The following PLEKHB2 variants were observed in gnomAD, a reference collection of about 807,000 sequenced individuals.
The protein encoded by PLEKHB2 is pleckstrin homology domain-containing family B member 2.
PLEKHB2 carries 31 observed loss-of-function variants against 36.5 expected under a neutral mutation model. That is an observed-to-expected ratio of 0.85 (90% CI 0.64 to 1.15). PLEKHB2 has a LOEUF of 1.15. PLEKHB2 is among the 50% of genes most tolerant of loss of function. The pLI, the probability that PLEKHB2 is intolerant of heterozygous loss-of-function variation, is 0.00. For synonymous variants in PLEKHB2, 119 were observed against 112.0 expected (o/e 1.06, Z -0.39); for missense variants, 262 against 295.3 (o/e 0.89, Z 0.83).
At chr2:131,112,823 A>C (rs1695462830) in intron 1 of PLEKHB2, among the ~76,000 whole-genome samples, 1 of 152,204 alleles carries the variant, frequency 6.6e-6, no homozygotes, top group Admixed American at 6.5e-5. Flanking sequence ...GTTAACCCTG[A>C]GCGTGGCTGG....
chr2:131,126,455 G>A (rs1031480496), intron 3 of PLEKHB2, among the ~76,000 whole-genome samples: 1 of 152,206 alleles, frequency 6.6e-6, no homozygotes, highest in Non-Finnish European at 1.5e-5. Flanking sequence ...GAACCCGGGA[G>A]TCAGAGGTTG....
chr2:131,110,891 G>T (rs1248337232), intron 1 of PLEKHB2, among the ~76,000 whole-genome samples: 1 of 152,088 alleles, frequency 6.6e-6, no homozygotes, highest in Non-Finnish European at 1.5e-5. Flanking sequence ...CATCATGCTG[G>T]ACAGTCATTG....
intron 1 of PLEKHB2, among the ~76,000 whole-genome samples, chr2:131,115,341 CTTTTTTTTTTTTTTTT>C (rs1179533654): frequency 5.4e-4 from 35 of 64,546 alleles, no homozygotes; most frequent in Admixed American, 2.2e-3. Flanking sequence ...GAAAGTATGT[CTTTTTTTTTTTTTTTT>C]TTTTTTTTTT....
chr2:131,129,324 CAAAAAAAAAAAAAA>C (rs1168039416), intron 4 of PLEKHB2, among the ~76,000 whole-genome samples: 16 of 49,932 alleles, frequency 3.2e-4, no homozygotes, highest in Admixed American at 3.2e-3. Context: ...GACTCCATCT[CAAAAAAAAAAAAAA>C]AAAAAAAAAA....
intron 5 of PLEKHB2, among the ~76,000 whole-genome samples, chr2:131,131,880 C>T (rs79716210): frequency 0.014 from 2,167 of 151,522 alleles, 57 homozygotes; most frequent in African/African-American, 0.049. Context: ...GTCGCCCAGG[C>T]CAGAGTGCAG....
chr2:131,119,752 C>T (rs1559062105), intron 1 of PLEKHB2, among the ~76,000 whole-genome samples: 1 of 151,960 alleles, frequency 6.6e-6, no homozygotes, highest in African/African-American at 2.4e-5. Flanking sequence ...TTTGTGCCCA[C>T]CTGAGAGGTA....
chr2:131,132,067 G>C (rs1697762906), intron 5 of PLEKHB2, among the ~76,000 whole-genome samples: 2 of 152,208 alleles, frequency 1.3e-5, no homozygotes, highest in Middle Eastern at 3.4e-3. Flanking sequence ...TCCTGACCTA[G>C]TGATCTGCCT....
intron 1 of PLEKHB2, among the ~76,000 whole-genome samples, chr2:131,109,950 T>TA (rs1009501290): frequency 2.6e-5 from 4 of 151,506 alleles, no homozygotes; most frequent in African/African-American, 9.7e-5. Context: ...CTGTCTCTAC[T>TA]AAAAATACAA....
rs1263876000 is a variant in PLEKHB2 at position 131,146,836 on chromosome 2, G to C, written c.*63G>C. On this transcript the variant is annotated 3_prime_UTR_variant, in exon 8 of 8. Transcript: ENST00000693505. The stretch of plus-strand genomic sequence containing the variant: ...CCTGTGTGCAATAATATGATTTGCA[G>C]GGCATTTCTGTTTGTGACAAAAGTT... The C allele has an allele frequency of 5.1e-6, 7 of 1,379,208 alleles. No homozygotes were observed. Among genetic ancestry groups the C allele is most frequent in the Non-Finnish European group, 6.9e-6 (7 of 1,018,818 alleles). The allele number at this position is 1,379,208 out of a possible 1,614,324, so 85.4% of individuals were successfully genotyped here. A position where few individuals can be genotyped will look rare whatever the true frequency, so the allele number is the denominator to read the frequency against.
chr2:131,123,609 C>A (rs1269939549), intron 2 of PLEKHB2, among the ~76,000 whole-genome samples: 3 of 152,102 alleles, frequency 2.0e-5, no homozygotes, highest in African/African-American at 7.2e-5. Context: ...ACTGCAACCT[C>A]TGCCTCCTGG....
Position 131,111,511 on chromosome 2 carries a change from A to G in PLEKHB2, c.-9+6113A>G, listed in dbSNP as rs1407951949. Among the ~76,000 whole-genome samples the G allele has an allele frequency of 2.9e-5, 4 of 139,364 alleles. No homozygotes were observed. In the East Asian group the frequency reaches 8.4e-4, roughly 29 times the overall value. The allele number at this position is 139,364 out of a possible 152,430, so 91.4% of individuals were successfully genotyped here. A position where few individuals can be genotyped will look rare whatever the true frequency, so the allele number is the denominator to read the frequency against. On this transcript the variant is annotated intron_variant, in intron 1 of 7. Coordinates refer to ENST00000693505, the MANE Select transcript of PLEKHB2 (RefSeq NM_001100623.2). ...TATTCTTGTTTTTTTTTTTTTTGAGATGGAGTCTCACTCCAGTCACCCAGG... is the reference window on the plus strand; with the variant it reads ...TATTCTTGTTTTTTTTTTTTTTGAGGTGGAGTCTCACTCCAGTCACCCAGG...
intron 2 of PLEKHB2, among the ~76,000 whole-genome samples, chr2:131,123,273 G>C (rs1456176586): frequency 6.6e-6 from 1 of 152,192 alleles, no homozygotes; most frequent in Non-Finnish European, 1.5e-5. Context: ...AACGAGGTGA[G>C]ATACATTATA....
intron 4 of PLEKHB2, 98 bp from the exon 5 acceptor site, chr2:131,130,623 T>G: frequency 1.1e-6 from 1 of 919,896 alleles, no homozygotes; most frequent in East Asian, 2.4e-5. Flanking sequence ...ACTTGTTTTT[T>G]AAACAGATCT....
intron 1 of PLEKHB2, among the ~76,000 whole-genome samples, chr2:131,113,133 A>T (rs1248275465): frequency 2.7e-5 from 4 of 149,932 alleles, no homozygotes; most frequent in African/African-American, 4.9e-5. Flanking sequence ...CCCAGGTTGG[A>T]ATGTAGTGGT....
At chr2:131,130,654 G>A in intron 4 of PLEKHB2, 67 bp from the exon 5 acceptor site, 1 of 1,182,538 alleles carries the variant, frequency 8.5e-7, no homozygotes, top group Non-Finnish European at 1.3e-6. Context: ...TCTGATGCCA[G>A]CCCAGGTTTC....
chr2:131,120,742 G>GA, intron 1 of PLEKHB2, 192 bp from the exon 2 acceptor site: 1 of 658,034 alleles, frequency 1.5e-6, no homozygotes, highest in East Asian at 2.7e-5. Flanking sequence ...GGGAGGAAGG[G>GA]AGGGGGTACA....
At chr2:131,124,780 C>T (rs949707552) in intron 2 of PLEKHB2, among the ~76,000 whole-genome samples, 1 of 151,570 alleles carries the variant, frequency 6.6e-6, no homozygotes, top group East Asian at 1.9e-4. Flanking sequence ...AGAAAAAAAA[C>T]GTGTTTTTTC....
chr2:131,127,737 G>A (rs559675097), intron 4 of PLEKHB2, among the ~76,000 whole-genome samples: 4 of 152,188 alleles, frequency 2.6e-5, no homozygotes, highest in African/African-American at 4.8e-5. Context: ...AATCCTACCC[G>A]AATCCCAGAA....
intron 2 of PLEKHB2, among the ~76,000 whole-genome samples, chr2:131,123,950 G>T (rs1417435351): frequency 6.6e-6 from 1 of 151,812 alleles, no homozygotes; most frequent in Admixed American, 6.6e-5. Context: ...CCAGGTTCAG[G>T]TGGTCCTCCT....
Sources: gnomAD v4.1 joint callset for allele counts (sites outside exome capture counted in the v4.1 genomes callset) on GRCh38, gnomAD v4.1.1 for gene constraint, MANE v1.5 for transcripts, NCBI Gene and HGNC (gene_info 2026-07-23, HGNC 2026-07-21) for gene names.